The following HCN1 variants were observed in gnomAD, a reference collection of about 807,000 sequenced individuals.
The protein encoded by HCN1 is potassium/sodium hyperpolarization-activated cyclic nucleotide-gated channel 1.
A neutral mutation model predicts 78.9 loss-of-function variants in HCN1; 13 were observed. The observed-to-expected ratio is 0.16, with a 90% CI of 0.11 to 0.26. The LOEUF is 0.26. Ranked by LOEUF, HCN1 falls within the 10% of genes least tolerant of loss-of-function variation. The pLI is 1.00. For missense variants in HCN1, 810 were observed against 1,154.3 expected, an observed-to-expected ratio of 0.70 and a Z score of 4.32; for synonymous variants, 552 against 455.5, an observed-to-expected ratio of 1.21 and a Z score of -2.70.
chr5:45,372,278 T>C (rs1486627175), intron 4 of HCN1, among the ~76,000 whole-genome samples: 1 of 89,580 alleles, frequency 1.1e-5, no homozygotes, highest in African/African-American at 4.6e-5. Context: ...TATTTATATA[T>C]ATAATATATA....
intron 2 of HCN1, among the ~76,000 whole-genome samples, chr5:45,471,821 A>C (rs1250681985): frequency 6.6e-6 from 1 of 151,986 alleles, no homozygotes; most frequent in East Asian, 1.9e-4. Flanking sequence ...TCATAAAATT[A>C]TGTTGGACTG....
chr5:45,267,362 A>AT, intron 6 of HCN1, 109 bp from the exon 7 acceptor site: 1 of 903,352 alleles, frequency 1.1e-6, no homozygotes, highest in Admixed American at 2.3e-5. Context: ...AAAAACAATT[A>AT]TTAGCAGCAT....
chr5:45,600,166 TTCTCTCTC>T (rs765475966), intron 2 of HCN1, among the ~76,000 whole-genome samples: 1 of 149,350 alleles, frequency 6.7e-6, no homozygotes, highest in Non-Finnish European at 1.5e-5. Context: ...CTTGCTTCCA[TTCTCTCTC>T]TCTCTCTCTT....
chr5:45,362,404 C>A (rs1024964593), intron 4 of HCN1, among the ~76,000 whole-genome samples: 1 of 151,962 alleles, frequency 6.6e-6, no homozygotes, highest in Non-Finnish European at 1.5e-5. Context: ...GAAATAGAAG[C>A]TTTTACTTAA....
intron 3 of HCN1, among the ~76,000 whole-genome samples, chr5:45,407,003 G>C (rs944841906): frequency 2.6e-5 from 4 of 152,138 alleles, no homozygotes; most frequent in African/African-American, 9.7e-5. Context: ...CAGTCCTCTA[G>C]AAGAAAATCC....
intron 6 of HCN1, among the ~76,000 whole-genome samples, 191 bp downstream of exon 6, chr5:45,303,408 A>C (rs1370535999): frequency 6.6e-6 from 1 of 152,148 alleles, no homozygotes; most frequent in African/African-American, 2.4e-5. Flanking sequence ...CAACCAATGT[A>C]GTAGTAAATG....
intron 4 of HCN1, among the ~76,000 whole-genome samples, chr5:45,372,761 C>T (rs1173105623): frequency 7.1e-6 from 1 of 141,402 alleles, no homozygotes; most frequent in Non-Finnish European, 1.5e-5. Flanking sequence ...ATTCTATACA[C>T]AAAAATATAT....
rs116823085 is a variant in HCN1 at position 45,449,858 on chromosome 5, C to T, written c.1011+11988G>A. Among the ~76,000 whole-genome samples the T allele has an allele frequency of 5.2e-3, 796 of 151,982 alleles. 4 individuals are homozygous for T. Among genetic ancestry groups the T allele is most frequent in the African/African-American group, 0.018 (726 of 41,460 alleles). Reference sequence around the variant, plus strand: ...GTTGGTTTTTTTTCTTTTTTTGAGACGGAGTCTCACACTCTGTCCCCCAGG... The same window carrying T: ...GTTGGTTTTTTTTCTTTTTTTGAGATGGAGTCTCACACTCTGTCCCCCAGG... On this transcript the variant is annotated intron_variant, in intron 3 of 7. Transcript: ENST00000303230.
At chr5:45,346,408 T>C (rs1746709684) in intron 5 of HCN1, among the ~76,000 whole-genome samples, 1 of 152,122 alleles carries the variant, frequency 6.6e-6, no homozygotes, top group African/African-American at 2.4e-5. Flanking sequence ...TAGGAACAGC[T>C]CTGGTCTACA....
chr5:45,294,562 G>C (rs1421270992), intron 6 of HCN1, among the ~76,000 whole-genome samples: 1 of 151,784 alleles, frequency 6.6e-6, no homozygotes, highest in Non-Finnish European at 1.5e-5. Context: ...ATGAGTAAAG[G>C]AGATATTAAT....
chr5:45,269,818 T>A (rs1744927153), intron 6 of HCN1, among the ~76,000 whole-genome samples: 2 of 152,290 alleles, frequency 1.3e-5, no homozygotes, highest in South Asian at 4.1e-4. Context: ...CTGTCTTCTG[T>A]GGTCCTGTTG....
At chr5:45,352,697 A>T (rs1432506491) in intron 5 of HCN1, among the ~76,000 whole-genome samples, 1 of 152,004 alleles carries the variant, frequency 6.6e-6, no homozygotes, top group Non-Finnish European at 1.5e-5. Flanking sequence ...AGATAATAGG[A>T]AATGAACTGC....
chr5:45,675,855 TTGA>T (rs1452956801), intron 1 of HCN1, among the ~76,000 whole-genome samples: 1 of 151,818 alleles, frequency 6.6e-6, no homozygotes, highest in Non-Finnish European at 1.5e-5. Context: ...GAATAAATGG[TTGA>T]TGTCAGGTCC....
Position 45,664,844 on chromosome 5 carries a change from G to A in HCN1, c.426-19236C>T, listed in dbSNP as rs200721921. 4.0e-3 allele frequency among the ~76,000 whole-genome samples: 612 copies of A among 152,078 alleles called. 20 individuals are homozygous for A. The East Asian group carries it at 0.055, about 14-fold the overall frequency. On this transcript the variant is annotated intron_variant, in intron 1 of 7. Coordinates refer to ENST00000303230, the MANE Select transcript of HCN1 (RefSeq NM_021072.4). ...GGAGAAATAGGAACACTTTTACACT[G>A]TTGGTGGGACTGTAAACTAGTTCAA...
rs1740842051 is a variant in HCN1 at position 45,448,415 on chromosome 5, T to C, written c.1011+13431A>G. Reference sequence around the variant, plus strand: ...GAAGAAAAGTATTCCACTAACATTCTGTCATTTATGTGGATCCCAAATGGA... The same window carrying C: ...GAAGAAAAGTATTCCACTAACATTCCGTCATTTATGTGGATCCCAAATGGA... On this transcript the variant is annotated intron_variant, in intron 3 of 7. Coordinates refer to ENST00000303230, the MANE Select transcript of HCN1 (RefSeq NM_021072.4). Among the ~76,000 whole-genome samples the C allele has an allele frequency of 6.6e-5, 10 of 152,250 alleles. No homozygotes were observed. In the South Asian group the frequency reaches 2.1e-3, roughly 31 times the overall value.
At chr5:45,387,341 A>T in intron 4 of HCN1, among the ~76,000 whole-genome samples, 1 of 152,216 alleles carries the variant, frequency 6.6e-6, no homozygotes, top group South Asian at 2.1e-4. Context: ...ATTATGTTTT[A>T]TACAAATTTC....
chr5:45,671,181 G>A (rs955060977), intron 1 of HCN1, among the ~76,000 whole-genome samples: 1 of 151,458 alleles, frequency 6.6e-6, no homozygotes, highest in Non-Finnish European at 1.5e-5. Flanking sequence ...TATCATCGAT[G>A]TTCTGTCCTG....
intron 3 of HCN1, 44 bp from the exon 4 acceptor site, chr5:45,396,754 G>A (rs1561139670): frequency 1.4e-6 from 2 of 1,477,920 alleles, no homozygotes; most frequent in Non-Finnish European, 1.9e-6. Context: ...CCATTAGGAT[G>A]GCAGAATGAA....
intron 4 of HCN1, among the ~76,000 whole-genome samples, chr5:45,365,870 A>G (rs1209512104): frequency 5.3e-5 from 8 of 151,840 alleles, no homozygotes. Context: ...CTTTTCCTCA[A>G]AGGCAGGTAA....
Sources: gnomAD v4.1 joint callset for allele counts (sites outside exome capture counted in the v4.1 genomes callset) on GRCh38, gnomAD v4.1.1 for gene constraint, MANE v1.5 for transcripts, NCBI Gene and HGNC (gene_info 2026-07-23, HGNC 2026-07-21) for gene names.